The following ANK3 variants were observed in gnomAD, a reference collection of about 807,000 sequenced individuals.
ANK3 encodes ankyrin 3.
In ANK3, 57 loss-of-function variants were observed where a neutral mutation model predicts 370.9. That is an observed-to-expected ratio of 0.15 (90% CI 0.12 to 0.19). The LOEUF (loss-of-function observed/expected upper bound fraction) is 0.19, where lower values mean the gene tolerates loss of function less well. Among genes scored for constraint, ANK3 ranks in the 10% least tolerant of loss-of-function variants. The pLI is 1.00. For synonymous variants in ANK3, 1,929 were observed against 1,946.3 expected (o/e 0.99, Z 0.23); for missense variants, 4,439 against 5,302.1 (o/e 0.84, Z 5.06).
At chr10:60,396,521 C>T (rs1015146250) in intron 2 of ANK3, among the ~76,000 whole-genome samples, 3 of 152,060 alleles carry the variant, frequency 2.0e-5, no homozygotes, top group East Asian at 3.9e-4. Context: ...TTATAGTTTC[C>T]ATCACCTTTA....
intron 23 of ANK3, chr10:60,141,019 G>T: frequency 1.0e-6 from 1 of 985,492 alleles, no homozygotes; most frequent in South Asian, 4.7e-5. Flanking sequence ...TCTCAGCTGG[G>T]AACACTGGGA....
At chr10:60,453,909 G>A (rs1301106021) in intron 2 of ANK3, among the ~76,000 whole-genome samples, 3 of 152,050 alleles carry the variant, frequency 2.0e-5, no homozygotes, top group Non-Finnish European at 4.4e-5. Flanking sequence ...GTTACTGTTG[G>A]TAACTAGAAA....
intron 1 of ANK3, among the ~76,000 whole-genome samples, chr10:60,388,450 T>A (rs1021734685): frequency 6.6e-6 from 1 of 152,186 alleles, no homozygotes; most frequent in Non-Finnish European, 1.5e-5. Context: ...TATCTTTCCT[T>A]TGGGAATTTT....
At position 60,338,696 on chromosome 10, in the gene ANK3, G is replaced by A. The variant is rs759052307; in HGVS notation, c.114+50729C>T. ...TAAGGTAGAGGAGACTGGGCTGAAA[G>A]TTCTCCCCTTTGATAAAACTGTGAT... On this transcript the variant is annotated intron_variant, in intron 1 of 43. Coordinates refer to ENST00000280772, the MANE Select transcript of ANK3 (RefSeq NM_020987.5). Among the ~76,000 whole-genome samples, 173 of 152,230 alleles carry A rather than the reference G, an allele frequency of 1.1e-3. 1 individual carries two copies. In the Middle Eastern group the frequency reaches 0.017, roughly 15 times the overall value.
rs778320068 is a variant in ANK3 at position 60,074,743 on chromosome 10, C to T, written c.6138G>A (p.Leu2046=). The T allele has an allele frequency of 1.2e-6, 2 of 1,614,016 alleles. No homozygotes were observed. Among genetic ancestry groups the T allele is most frequent in the Non-Finnish European group, 1.7e-6 (2 of 1,179,998 alleles). ...CCTCAAACTTGTATTTTAAGTTTGT[C>T]AGTGAACTACTCCCAATATCATTTG... ...YLTNDIGSSS[L]TNLKYKFEDA... is the part of the protein sequence containing the mutation. The change falls in exon 37 of 44, where the codon CTG becomes CTA. Residue 2046 remains leucine (L), a synonymous_variant. Coordinates refer to ENST00000280772, the MANE Select transcript of ANK3 (RefSeq NM_020987.5).
intron 16 of ANK3, among the ~76,000 whole-genome samples, chr10:60,187,788 C>T (rs2096382686): frequency 6.6e-6 from 1 of 152,106 alleles, no homozygotes; most frequent in Non-Finnish European, 1.5e-5. Flanking sequence ...GCTGGTCTGT[C>T]ATCCTGCATG....
At chr10:60,444,746 T>C (rs1374569408) in intron 2 of ANK3, among the ~76,000 whole-genome samples, 1 of 152,138 alleles carries the variant, frequency 6.6e-6, no homozygotes, top group Non-Finnish European at 1.5e-5. Context: ...CTTTTTTCTT[T>C]AGTATGCTTA....
At chr10:60,378,250 A>G (rs1264535713) in intron 1 of ANK3, among the ~76,000 whole-genome samples, 1 of 152,154 alleles carries the variant, frequency 6.6e-6, no homozygotes, top group Non-Finnish European at 1.5e-5. Context: ...ATTTCTTACC[A>G]TTCTACAAAT....
At chr10:60,139,814 T>C (rs2094490149) in intron 23 of ANK3, 1 of 153,952 alleles carries the variant, frequency 6.5e-6, no homozygotes, top group Non-Finnish European at 1.4e-5. Flanking sequence ...TTATGTGAAA[T>C]ACTTTTACCA....
intron 2 of ANK3, among the ~76,000 whole-genome samples, chr10:60,531,260 A>T (rs978741351): frequency 5.9e-5 from 9 of 152,108 alleles, no homozygotes; most frequent in Non-Finnish European, 1.3e-4. Flanking sequence ...AGAACCAGGG[A>T]GCCTTCTAGA....
chr10:60,626,759 A>T (rs2078416140), intron 1 of ANK3, among the ~76,000 whole-genome samples: 1 of 152,156 alleles, frequency 6.6e-6, no homozygotes, highest in Non-Finnish European at 1.5e-5. Context: ...GACAGTGGGA[A>T]TGAGGTTAAG....
chr10:60,404,238 CTTA>C (rs1405885313), intron 2 of ANK3, among the ~76,000 whole-genome samples: 96 of 151,856 alleles, frequency 6.3e-4, no homozygotes, highest in Non-Finnish European at 2.4e-4. Flanking sequence ...AATAGACAAA[CTTA>C]TTATAAAATT....
At chr10:60,311,117 T>C (rs1278492586) in intron 1 of ANK3, among the ~76,000 whole-genome samples, 2 of 152,174 alleles carry the variant, frequency 1.3e-5, no homozygotes, top group Non-Finnish European at 2.9e-5. Flanking sequence ...CTGGTGGTGG[T>C]TGTTCAATTA....
At chr10:60,247,761 G>T (rs577774948) in intron 7 of ANK3, among the ~76,000 whole-genome samples, 2 of 152,052 alleles carry the variant, frequency 1.3e-5, no homozygotes, top group Non-Finnish European at 2.9e-5. Context: ...TCCGCCTCCC[G>T]AGTCCACGTG....
intron 2 of ANK3, among the ~76,000 whole-genome samples, chr10:60,610,367 G>T (rs2078184324): frequency 6.6e-6 from 1 of 151,998 alleles, no homozygotes; most frequent in Non-Finnish European, 1.5e-5. Flanking sequence ...CCAAAAATTA[G>T]CTGGGTGTAG....
intron 40 of ANK3, among the ~76,000 whole-genome samples, chr10:60,061,519 T>C (rs2080460804): frequency 6.6e-6 from 1 of 152,162 alleles, no homozygotes; most frequent in Non-Finnish European, 1.5e-5. Flanking sequence ...CTATAACTTA[T>C]CAATAATTTA....
At chr10:60,659,377 T>C (rs2078907559) in intron 1 of ANK3, among the ~76,000 whole-genome samples, 1 of 152,282 alleles carries the variant, frequency 6.6e-6, no homozygotes, top group South Asian at 2.1e-4. Flanking sequence ...TTTTCCAGTT[T>C]CTTTTCTAGT....
chr10:60,061,039 G>GGA (rs1369129209), intron 40 of ANK3, among the ~76,000 whole-genome samples: 1 of 152,154 alleles, frequency 6.6e-6, no homozygotes, highest in Non-Finnish European at 1.5e-5. Context: ...TCAACGAAGA[G>GGA]GAGAGACAGG....
In ANK3 at chr10:60,076,222, T is replaced by C; in HGVS notation, c.4659A>G (p.Leu1553=). 6.2e-7 allele frequency: 1 copy of C among 1,614,162 alleles called. No individual in the cohort carries two copies. The highest frequency in any genetic ancestry group is 8.5e-7 in the Non-Finnish European group (1 of 1,179,998). The change falls in exon 37 of 44, where the codon TTA becomes TTG. Residue 1553 remains leucine, a synonymous_variant. Transcript: ENST00000280772. ...VSTPSPIKST[L]GASTTSSVKS... is the part of the protein sequence containing the mutation. ...TAACTGAAGATGTAGTTGACGCGCC[T>C]AATGTGGATTTGATTGGAGAAGGTG...
Sources: allele counts gnomAD v4.1 joint callset (sites outside exome capture counted in the v4.1 genomes callset), GRCh38; gene constraint gnomAD v4.1.1; transcripts MANE v1.5; gene names NCBI Gene and HGNC (gene_info 2026-07-23, HGNC 2026-07-21).